Variants in WDR48 observed in about 807,000 individuals in gnomAD.
The protein encoded by WDR48 is WD repeat-containing protein 48.
A neutral mutation model predicts 94.0 loss-of-function variants in WDR48; 22 were observed. The observed-to-expected ratio is 0.23, with a 90% CI of 0.17 to 0.33. The LOEUF (loss-of-function observed/expected upper bound fraction) is 0.33, where lower values mean the gene tolerates loss of function less well. Ranked by LOEUF, WDR48 falls within the 10% of genes least tolerant of loss-of-function variation. The probability of loss-of-function intolerance (pLI) is 1.00; values close to 1 mark genes in which losing one functional copy is unlikely to be tolerated. For synonymous variants in WDR48, 278 were observed against 280.5 expected, an observed-to-expected ratio of 0.99 and a Z score of 0.09; for missense variants, 541 against 813.8, an observed-to-expected ratio of 0.66 and a Z score of 4.08.
chr3:39,077,962 G>C (rs1285074522), intron 9 of WDR48, 175 bp from the exon 10 acceptor site: 3 of 528,166 alleles, frequency 5.7e-6, no homozygotes, highest in Admixed American at 7.0e-5. Context: ...CTTAAAATTT[G>C]TTTCTTTCTA....
At position 39,066,920 on chromosome 3, in the gene WDR48, C is replaced by T. The variant is rs1053742310; in HGVS notation, c.481+45C>T. On this transcript the variant is annotated intron_variant, in intron 5 of 18. Coordinates refer to ENST00000302313, the MANE Select transcript of WDR48 (RefSeq NM_020839.4). ...CTTCTTTGAAAGTGATCCAAGTTAA[C>T]ATAAATAAAGAATGGTTTATAAAAC... The T allele has an allele frequency of 1.3e-5, 20 of 1,589,726 alleles. No homozygotes were observed. In the African/African-American group the frequency reaches 2.7e-4, roughly 22 times the overall value.
At chr3:39,080,632 T>C (rs1164175718) in intron 11 of WDR48, among the ~76,000 whole-genome samples, 4 of 152,172 alleles carry the variant, frequency 2.6e-5, no homozygotes, top group African/African-American at 9.7e-5. Context: ...TGATCCCCTT[T>C]GGTAGGAGGG....
intron 5 of WDR48, 69 bp from the exon 6 acceptor site, chr3:39,068,702 A>G: frequency 9.2e-7 from 1 of 1,090,374 alleles, no homozygotes; most frequent in Non-Finnish European, 1.4e-6. Flanking sequence ...ATAAACTTGC[A>G]GTTTTTGCTG....
At chr3:39,086,871 G>A (rs2034833978) in intron 14 of WDR48, among the ~76,000 whole-genome samples, 1 of 152,184 alleles carries the variant, frequency 6.6e-6, no homozygotes, top group South Asian at 2.1e-4. Flanking sequence ...GCATGGGAAA[G>A]GTAGGGCAGG....
chr3:39,092,360 T>C (rs901925855), intron 17 of WDR48, among the ~76,000 whole-genome samples: 1 of 152,134 alleles, frequency 6.6e-6, no homozygotes, highest in African/African-American at 2.4e-5. Context: ...GAGTTGGACA[T>C]GTAATGATTG....
At chr3:39,063,847 C>T (rs1045932280) in intron 2 of WDR48, among the ~76,000 whole-genome samples, 2 of 151,966 alleles carry the variant, frequency 1.3e-5, no homozygotes, top group South Asian at 2.1e-4. Flanking sequence ...ACTCGGGGAG[C>T]TGAGGTGGGA....
At chr3:39,052,094 G>C (rs2032431323) in intron 1 of WDR48, 21 bp downstream of exon 1, 1 of 1,612,988 alleles carries the variant, frequency 6.2e-7, no homozygotes, top group Non-Finnish European at 8.5e-7. Context: ...CCGGTTCCTC[G>C]GTCTTCCGGA....
chr3:39,055,068 A>G (rs2032778134), intron 1 of WDR48, among the ~76,000 whole-genome samples: 1 of 152,246 alleles, frequency 6.6e-6, no homozygotes, highest in African/African-American at 2.4e-5. Context: ...TGGAAAAAGC[A>G]TACATGGGTA....
At chr3:39,090,527 C>G (rs191450622) in intron 16 of WDR48, 1 of 152,258 alleles carries the variant, frequency 6.6e-6, no homozygotes, top group East Asian at 1.9e-4. Context: ...ATATTCTCTT[C>G]TAGTTCTTTT....
intron 14 of WDR48, among the ~76,000 whole-genome samples, chr3:39,087,457 A>C (rs7644559): frequency 0.098 from 14,949 of 152,194 alleles, 2,356 homozygotes; most frequent in African/African-American, 0.33. Context: ...TCCCTACAAG[A>C]AATGTAAACA....
chr3:39,063,234 A>G (rs1200522800), intron 2 of WDR48, 44 bp downstream of exon 2: 4 of 1,604,730 alleles, frequency 2.5e-6, no homozygotes, highest in Non-Finnish European at 3.4e-6. Flanking sequence ...TTCTGGACAA[A>G]TGGCTTTTAC....
chr3:39,090,346 A>G (rs1366624971), intron 16 of WDR48: 1 of 152,092 alleles, frequency 6.6e-6, no homozygotes, highest in Non-Finnish European at 1.5e-5. Flanking sequence ...GGTGGTTTAT[A>G]TTGAATATTA....
chr3:39,052,144 C>G, intron 1 of WDR48, 71 bp downstream of exon 1: 3 of 1,585,942 alleles, frequency 1.9e-6, no homozygotes, highest in Admixed American at 1.7e-5. Flanking sequence ...CTAGAAGGTG[C>G]CCGGCGCCAC....
chr3:39,066,972 G>C, intron 5 of WDR48, 97 bp downstream of exon 5: 1 of 1,431,746 alleles, frequency 7.0e-7, no homozygotes, highest in Non-Finnish European at 9.5e-7. Context: ...CATCGAGAGA[G>C]TGTTTCATAT....
intron 13 of WDR48, 28 bp from the exon 14 acceptor site, chr3:39,085,487 T>C (rs1370967120): frequency 6.4e-7 from 1 of 1,568,334 alleles, no homozygotes; most frequent in East Asian, 2.3e-5. Flanking sequence ...TTTTCCATTT[T>C]ATCTCTTTTT....
At position 39,084,234 on chromosome 3, in the gene WDR48, A is replaced by G. The variant is rs1575427903; in HGVS notation, c.1253A>G (p.Asn418Ser). The change falls in exon 12 of 19, where the codon AAT becomes AGT. Residue 418 changes from asparagine to serine, a missense_variant. Transcript: ENST00000302313. Reference sequence around the variant, plus strand: ...AGATTTAAAATGGTGTATGTGCCAAATTGGTTCTCAGTAGACTTAAAAACA... The same window carrying G: ...AGATTTAAAATGGTGTATGTGCCAAGTTGGTTCTCAGTAGACTTAAAAACA... Reference protein sequence around the residue: ...KKRFKMVYVPNWFSVDLKTGM... With the variant: ...KKRFKMVYVPSWFSVDLKTGM... The G allele has an allele frequency of 1.2e-6, 2 of 1,612,218 alleles. No individual in the cohort carries two copies. Among genetic ancestry groups the G allele is most frequent in the Non-Finnish European group, 1.7e-6 (2 of 1,178,888 alleles).
At chr3:39,093,300 C>T (rs1460847252) in intron 17 of WDR48, among the ~76,000 whole-genome samples, 2 of 152,104 alleles carry the variant, frequency 1.3e-5, no homozygotes, top group Non-Finnish European at 2.9e-5. Context: ...TTTAGTTTGC[C>T]CAGGTTCTGG....
At position 39,088,198 on chromosome 3, in the gene WDR48, G is replaced by A. The variant is rs376042348; in HGVS notation, c.1545G>A (p.Val515=). Residue 515 remains valine, a synonymous_variant, in exon 15 of 19, where the codon GTG becomes GTA. Transcript: ENST00000302313. Reference sequence around the variant, plus strand: ...TTCAAGTGCCCCCACATACACCCGTGATCTTTGGTGAAGCTGGAGGTCGCA... The same window carrying A: ...TTCAAGTGCCCCCACATACACCCGTAATCTTTGGTGAAGCTGGAGGTCGCA... ...GYFQVPPHTP[V]IFGEAGGRTL... is the part of the protein sequence containing the mutation. The A allele has an allele frequency of 1.1e-5, 17 of 1,614,212 alleles. 1 individual carries two copies. The highest frequency in any genetic ancestry group is 2.7e-5 in the African/African-American group (2 of 75,044).
At position 39,065,905 on chromosome 3, in the gene WDR48, GATT is replaced by G. The variant is rs2033575285; in HGVS notation, c.268+23_268+25del. On this transcript the variant is annotated intron_variant, in intron 3 of 18. Coordinates refer to ENST00000302313, the MANE Select transcript of WDR48 (RefSeq NM_020839.4). ...GGGAAAACATGTAAGTATTTCTTTG[GATT>G]ATTATTGGGCTTCTGATATATTTTT... The G allele has an allele frequency of 6.5e-7, 1 of 1,550,364 alleles. No individual in the cohort carries two copies.
Sources: allele counts gnomAD v4.1 joint callset (sites outside exome capture counted in the v4.1 genomes callset), GRCh38; gene constraint gnomAD v4.1.1; transcripts MANE v1.5; gene names NCBI Gene and HGNC (gene_info 2026-07-23, HGNC 2026-07-21).